Variants in IAPP observed in about 807,000 individuals in gnomAD.
IAPP encodes Islet amyloid polypeptide (diabetes-associated peptide; amylin).
In IAPP, 4 loss-of-function variants were observed where a neutral mutation model predicts 2.9. The observed-to-expected ratio is 1.39, with a 90% CI of 0.69 to 3.19. IAPP has a LOEUF of 3.19. Ranked by LOEUF, IAPP falls within the 30% of genes most tolerant of loss-of-function variation. The pLI, the probability that IAPP is intolerant of heterozygous loss-of-function variation, is 0.01. For synonymous variants in IAPP, 40 were observed against 42.1 expected (o/e 0.95, Z 0.19); for missense variants, 114 against 105.3 (o/e 1.08, Z -0.36).
intron 2 of IAPP, among the ~76,000 whole-genome samples, chr12:21,376,962 C>T (rs1341765701): frequency 9.9e-5 from 15 of 152,066 alleles, no homozygotes; most frequent in Admixed American, 9.8e-4. Flanking sequence ...TGTTATTATT[C>T]TGCATCCATT....
intron 1 of IAPP, among the ~76,000 whole-genome samples, chr12:21,362,064 G>A (rs893075343): frequency 2.0e-5 from 3 of 152,078 alleles, no homozygotes; most frequent in East Asian, 1.9e-4. Flanking sequence ...GATACTCCTC[G>A]AGAAGAGAAA....
chr12:21,363,070 AC>A (rs1309594404), intron 1 of IAPP, among the ~76,000 whole-genome samples: 2 of 152,220 alleles, frequency 1.3e-5, no homozygotes, highest in Admixed American at 1.3e-4. Context: ...AGAACTCTCC[AC>A]CCCAAAACAA....
intron 2 of IAPP, among the ~76,000 whole-genome samples, chr12:21,374,909 G>A (rs2137100017): frequency 6.6e-6 from 1 of 151,894 alleles, no homozygotes; most frequent in South Asian, 2.1e-4. Flanking sequence ...GACATTCTAG[G>A]CTCAGGTGAT....
intron 2 of IAPP, among the ~76,000 whole-genome samples, chr12:21,377,423 T>C (rs1940281288): frequency 6.6e-6 from 1 of 152,228 alleles, no homozygotes; most frequent in South Asian, 2.1e-4. Flanking sequence ...GAACAAAGCA[T>C]GATATCTACC....
Position 21,378,225 on chromosome 12 carries a change from C to G in IAPP, c.81-12C>G. 6.2e-7 allele frequency: 1 copy of G among 1,613,178 alleles called. No individual in the cohort carries two copies. The highest frequency in any genetic ancestry group is 8.5e-7 in the Non-Finnish European group (1 of 1,179,142). ...AAGGCTCTAACTTTTCACATTTGTT[C>G]CATGTTACCAGTCATCAGGTGGAAA... On this transcript the variant is annotated splice_polypyrimidine_tract_variant and intron_variant, in intron 2 of 2. Coordinates refer to ENST00000240652, the MANE Select transcript of IAPP (RefSeq NM_000415.3).
upstream of IAPP, among the ~76,000 whole-genome samples, chr12:21,367,986 G>A (rs760815728): frequency 2.0e-4 from 30 of 152,080 alleles, no homozygotes; most frequent in Admixed American, 3.3e-4. Context: ...GACAGAATTA[G>A]ACTAGCACTA....
intron 1 of IAPP, among the ~76,000 whole-genome samples, chr12:21,360,535 A>G (rs1938757739): frequency 6.6e-6 from 1 of 152,342 alleles, no homozygotes; most frequent in Admixed American, 6.5e-5. Context: ...TACCAGGTTC[A>G]TCTCACTGGG....
chr12:21,356,929 G>T (rs1235854949), intron 1 of IAPP, among the ~76,000 whole-genome samples: 3 of 151,898 alleles, frequency 2.0e-5, no homozygotes, highest in African/African-American at 7.3e-5. Context: ...TACTGAAATA[G>T]ATTATATACT....
At position 21,378,447 on chromosome 12, in the gene IAPP, T is replaced by C; in HGVS notation, c.*21T>C. 1 of 1,570,592 alleles carries C rather than the reference T, an allele frequency of 6.4e-7. No individual in the cohort carries two copies. The highest frequency in any genetic ancestry group is 8.8e-7 in the Non-Finnish European group (1 of 1,140,248). ...TTTAGAGGACAATGTAACTCTATAG[T>C]TATTGTTTTATGTTCTAGTGATTTC... On this transcript the variant is annotated 3_prime_UTR_variant, in exon 3 of 3. Transcript: ENST00000240652.
At position 21,379,469 on chromosome 12, in the gene IAPP, C is replaced by G. The variant is rs1345257678; in HGVS notation, c.*1043C>G. ...ATTAATCGTGTCTTCAATTAAAAGACCACAGACTTCTGGAAACTCTTTGCT... is the reference window on the plus strand; with the variant it reads ...ATTAATCGTGTCTTCAATTAAAAGAGCACAGACTTCTGGAAACTCTTTGCT... On this transcript the variant is annotated 3_prime_UTR_variant, in exon 3 of 3. Transcript: ENST00000240652. 1 of 152,188 alleles carries G rather than the reference C, an allele frequency of 6.6e-6. No homozygotes were observed. Among genetic ancestry groups the G allele is most frequent in the African/African-American group, 2.4e-5 (1 of 41,444 alleles). 9.4% of individuals were successfully genotyped at this position (152,188 alleles called of 1,614,324 possible).
upstream of IAPP, among the ~76,000 whole-genome samples, chr12:21,370,835 CT>C (rs1467998511): frequency 6.6e-6 from 1 of 152,178 alleles, no homozygotes; most frequent in East Asian, 1.9e-4. Context: ...CCCTGGTATG[CT>C]TTCTACATCA....
chr12:21,373,245 TG>T (rs1939929875), intron 1 of IAPP, 91 bp from the exon 2 acceptor site: 8 of 803,576 alleles, frequency 1.0e-5, no homozygotes, highest in Non-Finnish European at 1.7e-5. Context: ...TTTAAAAAGA[TG>T]TTTCTTTTAA....
intron 1 of IAPP, among the ~76,000 whole-genome samples, chr12:21,358,424 T>C (rs906399222): frequency 6.6e-6 from 1 of 152,224 alleles, no homozygotes; most frequent in Non-Finnish European, 1.5e-5. Flanking sequence ...TTAAACTATG[T>C]GGCAATCCAC....
chr12:21,377,366 T>C (rs1009118157), intron 2 of IAPP, among the ~76,000 whole-genome samples: 2 of 152,210 alleles, frequency 1.3e-5, no homozygotes, highest in Admixed American at 1.3e-4. Context: ...GACATACTTT[T>C]TATGACATTA....
Position 21,373,395 on chromosome 12 carries a change from T to C in IAPP, c.44T>C (p.Val15Ala), listed in dbSNP as rs778403247. 8 of 1,613,534 alleles carry C rather than the reference T, an allele frequency of 5.0e-6. No homozygotes were observed. The highest frequency in any genetic ancestry group is 1.1e-5 in the South Asian group (1 of 91,074). Residue 15 changes from valine to alanine, a missense_variant, in exon 2 of 3, where the codon GTT becomes GCT. By Grantham distance (64) the Val-to-Ala change is moderately conservative. Transcript: ENST00000240652. ...CAAGTATTTCTCATTGTGCTCTCTG[T>C]TGCATTGAACCATCTGAAAGCTACA... is the stretch of plus-strand genomic sequence containing the variant. ...KLQVFLIVLS[V>A]ALNHLKATPI...
intron 1 of IAPP, among the ~76,000 whole-genome samples, chr12:21,366,365 C>T (rs1052613707): frequency 7.5e-6 from 1 of 132,822 alleles, no homozygotes; most frequent in Non-Finnish European, 1.5e-5. Flanking sequence ...CACAGGGACA[C>T]AGGGTGGGGA....
At chr12:21,364,136 C>T (rs892277571) in intron 1 of IAPP, among the ~76,000 whole-genome samples, 2 of 152,070 alleles carry the variant, frequency 1.3e-5, no homozygotes, top group African/African-American at 2.4e-5. Context: ...AACATCGATG[C>T]AAAAATCCTC....
At chr12:21,368,203 C>T (rs1939529665), upstream of IAPP, among the ~76,000 whole-genome samples, 2 of 151,996 alleles carry the variant, frequency 1.3e-5, no homozygotes, top group Non-Finnish European at 1.5e-5. Flanking sequence ...CATATTCTTA[C>T]CAAAATAATG....
intron 1 of IAPP, among the ~76,000 whole-genome samples, chr12:21,366,359 G>C (rs1306990337): frequency 2.0e-5 from 3 of 150,178 alleles, no homozygotes; most frequent in African/African-American, 7.4e-5. Context: ...TGAGAACACA[G>C]GGACACAGGG....
Sources: allele counts gnomAD v4.1 joint callset (sites outside exome capture counted in the v4.1 genomes callset), GRCh38; gene constraint gnomAD v4.1.1; transcripts MANE v1.5; gene names NCBI Gene and HGNC (gene_info 2026-07-23, HGNC 2026-07-21).